INTS3: variants seen among roughly 807,000 people sequenced by gnomAD.
INTS3 encodes the protein integrator complex subunit 3, also known as SOSS complex subunit A.
Under a neutral mutation model 146.3 loss-of-function variants are expected in INTS3, and 34 were observed. The observed-to-expected ratio is 0.23, with a 90% CI of 0.18 to 0.31. The LOEUF is 0.31. Among genes scored for constraint, INTS3 ranks in the 10% least tolerant of loss-of-function variants. The probability of loss-of-function intolerance (pLI) is 1.00; values close to 1 mark genes in which losing one functional copy is unlikely to be tolerated. For missense variants in INTS3, 757 were observed against 1,304.2 expected, an observed-to-expected ratio of 0.58 and a Z score of 6.46; for synonymous variants, 475 against 494.9, an observed-to-expected ratio of 0.96 and a Z score of 0.53.
chr1:153,740,748 T>G lies in INTS3; in HGVS notation c.234+14T>G. 1.3e-6 allele frequency: 2 copies of G among 1,591,264 alleles called. No individual in the cohort carries two copies. The highest frequency in any genetic ancestry group is 1.7e-6 in the Non-Finnish European group (2 of 1,159,414). ...CTCAATGCGTATGTAAGTAGAATGC[T>G]GTCCCTGCAGCCACTGCTGCTGCTG... is the stretch of plus-strand genomic sequence containing the variant. On this transcript the variant is annotated intron_variant, in intron 2 of 29. Transcript: ENST00000318967.
In INTS3 at chr1:153,773,412, C is replaced by T. The variant is rs1025570622; in HGVS notation, c.*142C>T. On this transcript the variant is annotated 3_prime_UTR_variant, in exon 30 of 30. Coordinates refer to ENST00000318967, the MANE Select transcript of INTS3 (RefSeq NM_023015.5). ...CCCCCGGTGGAAGGAGGAGCTTTCT[C>T]CTCTGGCTGAGTTTGAGAAGCTGCC... is the stretch of plus-strand genomic sequence containing the variant. The T allele has an allele frequency of 1.3e-6, 1 of 788,254 alleles. No homozygotes were observed. Among genetic ancestry groups the T allele is most frequent in the Non-Finnish European group, 2.1e-6 (1 of 470,432 alleles). 48.8% of individuals were successfully genotyped at this position (788,254 alleles called of 1,614,324 possible). A position where few individuals can be genotyped will look rare whatever the true frequency, so the allele number is the denominator to read the frequency against.
intron 11 of INTS3, 80 bp from the exon 12 acceptor site, chr1:153,760,231 T>TAAA (rs1305262591): frequency 3.2e-5 from 23 of 721,972 alleles, no homozygotes; most frequent in South Asian, 9.0e-5. Flanking sequence ...AGACTCTGTT[T>TAAA]CAAAAAAAAA....
chr1:153,736,925 G>A (rs987715085), intron 1 of INTS3, among the ~76,000 whole-genome samples: 3 of 151,630 alleles, frequency 2.0e-5, no homozygotes, highest in Non-Finnish European at 2.9e-5. Context: ...CACCATGCCC[G>A]GCTAATTTTT....
In INTS3 at chr1:153,764,520, G is replaced by A. The variant is rs371069929; in HGVS notation, c.1926-170G>A. Among the ~76,000 whole-genome samples the A allele has an allele frequency of 3.3e-3, 504 of 152,320 alleles. 2 individuals are homozygous for A. Among genetic ancestry groups the A allele is most frequent in the African/African-American group, 0.01 (425 of 41,566 alleles). On this transcript the variant is annotated intron_variant, in intron 18 of 29. Transcript: ENST00000318967. ...GAGCCTGTCTCCAAAGGGCAAGAGCGTGGTCCCATGTTAGGAACCTGTTTT... is the reference window on the plus strand; with the variant it reads ...GAGCCTGTCTCCAAAGGGCAAGAGCATGGTCCCATGTTAGGAACCTGTTTT...
rs1381579451 is a variant in INTS3, at chr1:153,773,980, G to C, written c.*710G>C. On this transcript the variant is annotated 3_prime_UTR_variant, in exon 30 of 30. Transcript: ENST00000318967. ...AATTGTCAAATGATCCCATTTCCTT[G>C]AGTCTGTTTTTTTTTTTGTTTTTTT... 1 of 166,526 alleles carries C rather than the reference G, an allele frequency of 6.0e-6. No homozygotes were observed. Among genetic ancestry groups the C allele is most frequent in the Non-Finnish European group, 1.5e-5 (1 of 67,982 alleles). 10.3% of individuals were successfully genotyped at this position (166,526 alleles called of 1,614,324 possible).
In INTS3 at chr1:153,730,272, T is replaced by C. The variant is rs569594043; in HGVS notation, c.150+1488T>C. Among the ~76,000 whole-genome samples the C allele has an allele frequency of 7.2e-5, 11 of 152,326 alleles. No homozygotes were observed. The South Asian group carries it at 2.1e-3, about 29-fold the overall frequency. ...GTTTGTTTTCTGCTGTCTGTAGTTATCAGCTAAGGTAGATATAATTATGAA... is the reference window on the plus strand; with the variant it reads ...GTTTGTTTTCTGCTGTCTGTAGTTACCAGCTAAGGTAGATATAATTATGAA... On this transcript the variant is annotated intron_variant, in intron 1 of 29. Transcript: ENST00000318967.
intron 1 of INTS3, among the ~76,000 whole-genome samples, chr1:153,732,383 A>G (rs561881795): frequency 9.2e-5 from 14 of 151,846 alleles, no homozygotes; most frequent in South Asian, 2.1e-4. Flanking sequence ...CCAGTGACTC[A>G]TGGTTGTGGA....
chr1:153,749,023 C>T (rs1671859094), intron 6 of INTS3, among the ~76,000 whole-genome samples: 1 of 152,148 alleles, frequency 6.6e-6, no homozygotes, highest in Non-Finnish European at 1.5e-5. Flanking sequence ...TTGATCCAGA[C>T]CTCCTTGGAA....
At chr1:153,733,754 G>A (rs530003527) in intron 1 of INTS3, among the ~76,000 whole-genome samples, 9 of 150,628 alleles carry the variant, frequency 6.0e-5, no homozygotes, top group East Asian at 2.0e-4. Flanking sequence ...ACAAGTGTGC[G>A]CCACCACACC....
chr1:153,745,570 A>G (rs554902826), intron 3 of INTS3, among the ~76,000 whole-genome samples: 141 of 151,916 alleles, frequency 9.3e-4, no homozygotes, highest in Non-Finnish European at 1.5e-3. Context: ...TCCTGACGGG[A>G]TAGAACTCAG....
At chr1:153,763,978 C>G (rs1051073257) in intron 17 of INTS3, 92 bp downstream of exon 17, 4 of 1,339,050 alleles carry the variant, frequency 3.0e-6, no homozygotes, top group Non-Finnish European at 4.3e-6. Flanking sequence ...TTTCCCTCCC[C>G]TAGATGAGTC....
In INTS3 at chr1:153,761,646, T is replaced by G; in HGVS notation, c.1486T>G (p.Phe496Val). ...RAMLREKFPEFCSSPSPPVEV... is the reference protein window; with the variant it reads ...RAMLREKFPEVCSSPSPPVEV... The stretch of plus-strand genomic sequence containing the variant: ...AATGCTGAGAGAGAAGTTTCCTGAG[T>G]TCTGCAGCTCACCCTCCCCACCTGT... The change falls in exon 14 of 30, where the codon TTC (phenylalanine) becomes GTC (valine). Residue 496 changes from phenylalanine to valine, a missense_variant. Phe to Val is a conservative substitution (Grantham distance 50, BLOSUM62 -1). Coordinates refer to ENST00000318967, the MANE Select transcript of INTS3 (RefSeq NM_023015.5). The G allele has an allele frequency of 6.2e-7, 1 of 1,614,058 alleles. No homozygotes were observed. Among genetic ancestry groups the G allele is most frequent in the Non-Finnish European group, 8.5e-7 (1 of 1,179,930 alleles).
chr1:153,743,046 T>G (rs1671598089), intron 3 of INTS3, among the ~76,000 whole-genome samples: 1 of 152,144 alleles, frequency 6.6e-6, no homozygotes, highest in Non-Finnish European at 1.5e-5. Context: ...AACTATCAAG[T>G]AGTGACTCAT....
intron 14 of INTS3, 145 bp from the exon 15 acceptor site, chr1:153,762,583 G>A (rs1672424386): frequency 3.2e-6 from 3 of 939,514 alleles, no homozygotes; most frequent in Middle Eastern, 3.3e-4. Context: ...TTTGTCAAGA[G>A]GTTTGTCCTC....
At chr1:153,752,958 T>C (rs2101805186) in intron 8 of INTS3, among the ~76,000 whole-genome samples, 1 of 152,068 alleles carries the variant, frequency 6.6e-6, no homozygotes, top group African/African-American at 2.4e-5. Flanking sequence ...CCTGCTATGT[T>C]CTGAACAATA....
intron 1 of INTS3, among the ~76,000 whole-genome samples, chr1:153,731,088 G>A (rs1382080368): frequency 6.6e-6 from 1 of 152,124 alleles, no homozygotes; most frequent in African/African-American, 2.4e-5. Flanking sequence ...TGTGTGCTGG[G>A]TCTGATAGGA....
rs780617131 is a variant in INTS3 at position 153,728,164 on chromosome 1, G to T, written c.-471G>T. On this transcript the variant is annotated 5_prime_UTR_variant, in exon 1 of 30. Transcript: ENST00000318967. Reference sequence around the variant, plus strand: ...CCTCACCCTCACCCCCTAGGGGCCGGATCCAAAGGCGCTGCACTCCCCAAG... The same window carrying T: ...CCTCACCCTCACCCCCTAGGGGCCGTATCCAAAGGCGCTGCACTCCCCAAG... 2.5e-6 allele frequency: 1 copy of T among 397,790 alleles called. No homozygotes were observed. Among genetic ancestry groups the T allele is most frequent in the Non-Finnish European group, 4.4e-6 (1 of 225,654 alleles). 24.6% of individuals were successfully genotyped at this position (397,790 alleles called of 1,614,324 possible). A position where few individuals can be genotyped will look rare whatever the true frequency, so the allele number is the denominator to read the frequency against.
Position 153,728,547 on chromosome 1 carries a change from C to T in INTS3, c.-88C>T, listed in dbSNP as rs1670944377. The stretch of plus-strand genomic sequence containing the variant: ...CCCTCCCCAACTTGTTCCTCTTGCC[C>T]CCCAGTCCCTGGCAATCCAGAGATC... On this transcript the variant is annotated 5_prime_UTR_variant, in exon 1 of 30. Coordinates refer to ENST00000318967, the MANE Select transcript of INTS3 (RefSeq NM_023015.5). 1 of 1,474,274 alleles carries T rather than the reference C, an allele frequency of 6.8e-7. No homozygotes were observed. The highest frequency in any genetic ancestry group is 2.5e-5 in the East Asian group (1 of 39,216). The allele number at this position is 1,474,274 out of a possible 1,614,324, so 91.3% of individuals were successfully genotyped here.
chr1:153,757,665 C>T lies in INTS3; in HGVS notation c.1051C>T (p.Arg351Cys), dbSNP rs1672213922. 3 of 1,613,952 alleles carry T rather than the reference C, an allele frequency of 1.9e-6. No individual in the cohort carries two copies. The highest frequency in any genetic ancestry group is 1.3e-5 in the African/African-American group (1 of 74,898). ...DSQSLRCDLI[R>C]YICGVVHPSN... Reference sequence around the variant, plus strand: ...TCAGTCTCTGCGCTGTGACCTCATTCGCTACATCTGTGGGGTAGTCCACCC... The same window carrying T: ...TCAGTCTCTGCGCTGTGACCTCATTTGCTACATCTGTGGGGTAGTCCACCC... Residue 351 changes from arginine to cysteine, a missense_variant, in exon 10 of 30, where the codon CGC becomes TGC. Physicochemically the swap from Arg to Cys is radical, Grantham distance 180. Coordinates refer to ENST00000318967, the MANE Select transcript of INTS3 (RefSeq NM_023015.5). This position sits in a 1 kb window ranked among gnomAD's most constrained non-coding sequence, Gnocchi z 4.0.
Sources: gnomAD v4.1 joint callset for allele counts (sites outside exome capture counted in the v4.1 genomes callset) on GRCh38, gnomAD v4.1.1 for gene constraint, Gnocchi (gnomAD v3.1) non-coding constraint, MANE v1.5 for transcripts, NCBI Gene and HGNC (gene_info 2026-07-23, HGNC 2026-07-21) for gene names.